FAM186A: variants seen among roughly 807,000 people sequenced by gnomAD.
FAM186A encodes family with sequence similarity 186 member A.
A neutral mutation model predicts 216.8 loss-of-function variants in FAM186A; 163 were observed. The ratio of observed to expected loss-of-function variants is 0.75; its 90% CI spans 0.66 to 0.86. The LOEUF is 0.86. Among genes scored for constraint, FAM186A ranks in the 40% least tolerant of loss-of-function variants. The probability of loss-of-function intolerance (pLI) is 0.00; values close to 1 mark genes in which losing one functional copy is unlikely to be tolerated. For missense variants in FAM186A, 2,184 were observed against 2,746.2 expected (o/e 0.80, Z 4.58); for synonymous variants, 805 against 1,025.3 (o/e 0.79, Z 4.10).
chr12:50,374,094 T>C (rs1311136971), intron 1 of FAM186A, among the ~76,000 whole-genome samples: 1 of 138,402 alleles, frequency 7.2e-6, no homozygotes, highest in African/African-American at 2.7e-5. Flanking sequence ...AGGTGGGAAC[T>C]GAACAATGAG....
rs150583039 is a variant in FAM186A, at chr12:50,351,674, C to A, written c.5158G>T (p.Ala1720Ser). The part of the protein sequence containing the change: ...WSHRPFQKSK[A>S]SLPTGQSIIS... ...ATGGATTGCCCAGTGGGGAGAGAAG[C>A]CTTCGATTTCTGAAATGGTCTATGG... The change falls in exon 4 of 8, where the codon GCT (alanine) becomes TCT (serine). Residue 1720 changes from alanine (A) to serine (S), a missense_variant. Coordinates refer to ENST00000327337, the MANE Select transcript of FAM186A (RefSeq NM_001145475.3). 9.0e-3 allele frequency: 13,956 copies of A among 1,551,540 alleles called. 121 individuals are homozygous for A. The highest frequency in any genetic ancestry group is 8.7e-3 in the Non-Finnish European group (10,006 of 1,146,914).
intron 1 of FAM186A, chr12:50,392,296 G>T: frequency 5.9e-6 from 1 of 170,006 alleles, no homozygotes; most frequent in Non-Finnish European, 1.2e-5. Context: ...TGTTTGTTTT[G>T]AGACGGAGTC....
intron 4 of FAM186A, among the ~76,000 whole-genome samples, chr12:50,337,457 C>CA (rs1296043362): frequency 1.0e-4 from 15 of 147,686 alleles, no homozygotes; most frequent in African/African-American, 3.7e-4. Context: ...TCAGGCCTGC[C>CA]AATTTTTTTT....
chr12:50,381,456 C>A (rs1698657971), intron 1 of FAM186A, among the ~76,000 whole-genome samples: 1 of 152,072 alleles, frequency 6.6e-6, no homozygotes, highest in South Asian at 2.1e-4. Flanking sequence ...GTCCAGCTGT[C>A]AGCAGAGAGG....
chr12:50,343,041 G>A (rs1942780579), intron 4 of FAM186A, among the ~76,000 whole-genome samples: 1 of 151,752 alleles, frequency 6.6e-6, no homozygotes, highest in Admixed American at 6.6e-5. Context: ...TTTGAGCCTA[G>A]GAATTCAAGA....
At position 50,327,341 on chromosome 12, in the gene FAM186A, T is replaced by C. The variant is rs763614826; in HGVS notation, c.*42A>G. ...ACAAAATAGGCATTTTACTGAAAGA[T>C]ACTGAAATGTACTTTCAACATGCTT... is the stretch of plus-strand genomic sequence containing the variant. On this transcript the variant is annotated 3_prime_UTR_variant, in exon 8 of 8. Coordinates refer to ENST00000327337, the MANE Select transcript of FAM186A (RefSeq NM_001145475.3). 1 of 1,491,118 alleles carries C rather than the reference T, an allele frequency of 6.7e-7. No homozygotes were observed. The highest frequency in any genetic ancestry group is 1.2e-5 in the South Asian group (1 of 82,242). The allele number at this position is 1,491,118 out of a possible 1,614,324, so 92.4% of individuals were successfully genotyped here. A position where few individuals can be genotyped will look rare whatever the true frequency, so the allele number is the denominator to read the frequency against.
rs1433467403 is a variant in FAM186A at position 50,350,323 on chromosome 12, A to G, written c.6503+6T>C. The G allele has an allele frequency of 1.5e-5, 22 of 1,507,588 alleles. No homozygotes were observed. The highest frequency in any genetic ancestry group is 2.4e-5 in the Admixed American group (1 of 41,486). The allele number at this position is 1,507,588 out of a possible 1,614,324, so 93.4% of individuals were successfully genotyped here. A position where few individuals can be genotyped will look rare whatever the true frequency, so the allele number is the denominator to read the frequency against. On this transcript the variant is annotated splice_donor_region_variant and intron_variant, in intron 4 of 7. Coordinates refer to ENST00000327337, the MANE Select transcript of FAM186A (RefSeq NM_001145475.3). ...CAGAAAACTAGACGTAAATAATTAT[A>G]TCTACCTGGCATGCTGGATCAGCCT...
chr12:50,344,395 G>A (rs897659950), intron 4 of FAM186A, among the ~76,000 whole-genome samples: 1 of 152,024 alleles, frequency 6.6e-6, no homozygotes, highest in East Asian at 1.9e-4. Flanking sequence ...CTGTTAATTT[G>A]TTTAGGATAA....
In FAM186A at chr12:50,330,567, ACTTAC is replaced by A. The variant is rs1309559006; in HGVS notation, c.7034+1_7034+5del. The A allele has an allele frequency of 1.0e-5, 16 of 1,549,926 alleles. No homozygotes were observed. The South Asian group carries it at 1.3e-4, about 13-fold the overall frequency. On this transcript the variant is annotated splice_donor_variant and splice_donor_5th_base_variant and intron_variant, in intron 7 of 7. Coordinates refer to ENST00000327337, the MANE Select transcript of FAM186A (RefSeq NM_001145475.3). LOFTEE classifies it high-confidence loss of function. ...ATTACCAGAGTGCTTCCAGTCCATA[ACTTAC>A]CGTGATTGGAGGGATGCAAGAGATT...
chr12:50,345,833 G>T (rs1327253236), intron 4 of FAM186A, among the ~76,000 whole-genome samples: 1 of 151,860 alleles, frequency 6.6e-6, no homozygotes, highest in Non-Finnish European at 1.5e-5. Flanking sequence ...GGCTATTTGG[G>T]CTCTTTTTTG....
Position 50,330,675 on chromosome 12 carries a change from T to C in FAM186A, c.6932A>G (p.His2311Arg). The C allele has an allele frequency of 6.5e-7, 1 of 1,550,244 alleles. No individual in the cohort carries two copies. Among genetic ancestry groups the C allele is most frequent in the African/African-American group, 1.4e-5 (1 of 73,058 alleles). ...SYPIAEKTSM[H>R]SLWAQLGGYP... ...CCCACCCAGCTGGGCCCAGAGTGAA[T>C]GCATAGATGTCTTCTCTGCTATTGG... The change falls in exon 7 of 8, where the codon CAT becomes CGT. Residue 2311 changes from histidine to arginine, a missense_variant. This residue lies in a region of FAM186A where 721 missense variants were observed against 816.4 expected (regional missense o/e 0.88). Coordinates refer to ENST00000327337, the MANE Select transcript of FAM186A (RefSeq NM_001145475.3).
intron 5 of FAM186A, 38 bp downstream of exon 5, chr12:50,333,873 T>C: frequency 6.6e-7 from 1 of 1,508,708 alleles, no homozygotes; most frequent in Non-Finnish European, 8.9e-7. Context: ...TTCATGTTTT[T>C]ACAACATGCT....
chr12:50,357,387 A>G (rs1942988304), intron 3 of FAM186A, among the ~76,000 whole-genome samples: 1 of 151,938 alleles, frequency 6.6e-6, no homozygotes, highest in African/African-American at 2.4e-5. Flanking sequence ...CTGTAGTCCC[A>G]ACTACTTGGG....
At chr12:50,369,342 T>C (rs1259582134) in intron 1 of FAM186A, among the ~76,000 whole-genome samples, 1 of 151,258 alleles carries the variant, frequency 6.6e-6, no homozygotes, top group African/African-American at 2.4e-5. Context: ...ACAAAAAAAA[T>C]TAGCCAGGCA....
intron 1 of FAM186A, among the ~76,000 whole-genome samples, chr12:50,386,263 C>T (rs6580748): frequency 0.97 from 147,422 of 152,030 alleles, 71,634 homozygotes; most frequent in East Asian, 1. Flanking sequence ...ACCCTGTCTC[C>T]ACTAAAAATA....
chr12:50,395,056 C>G lies in FAM186A; in HGVS notation c.192+1237G>C, dbSNP rs574677219. On this transcript the variant is annotated intron_variant, in intron 1 of 7. Coordinates refer to ENST00000327337, the MANE Select transcript of FAM186A (RefSeq NM_001145475.3). ...AGCTTTCCTTAAACATAGGAAAGAA[C>G]CCCCCCTTAATCAATTTCATCAAAC... 2.0e-5 allele frequency among the ~76,000 whole-genome samples: 3 copies of G among 151,512 alleles called. No homozygotes were observed. The East Asian group carries it at 5.9e-4, about 30-fold the overall frequency.
At chr12:50,342,550 C>T (rs1942774504) in intron 4 of FAM186A, among the ~76,000 whole-genome samples, 1 of 150,068 alleles carries the variant, frequency 6.7e-6, no homozygotes, top group Non-Finnish European at 1.5e-5. Flanking sequence ...TCTCGGCTCA[C>T]TGCAACCTCT....
intron 4 of FAM186A, among the ~76,000 whole-genome samples, chr12:50,344,509 A>G (rs1942793900): frequency 6.6e-6 from 1 of 152,224 alleles, no homozygotes; most frequent in Non-Finnish European, 1.5e-5. Context: ...TTCTTTATCC[A>G]GTCCACCACT....
At position 50,327,372 on chromosome 12, in the gene FAM186A, T is replaced by A. The variant is rs1273271317; in HGVS notation, c.*11A>T. 6.5e-7 allele frequency: 1 copy of A among 1,544,214 alleles called. No homozygotes were observed. The highest frequency in any genetic ancestry group is 1.4e-5 in the African/African-American group (1 of 72,888). Reference sequence around the variant, plus strand: ...AATGTACTTTCAACATGCTTGTATTTAATTTTACAGTCATTTGGGAATCTT... The same window carrying A: ...AATGTACTTTCAACATGCTTGTATTAAATTTTACAGTCATTTGGGAATCTT... On this transcript the variant is annotated 3_prime_UTR_variant, in exon 8 of 8. Transcript: ENST00000327337.
Sources: allele counts gnomAD v4.1 joint callset (sites outside exome capture counted in the v4.1 genomes callset), GRCh38; gene constraint gnomAD v4.1.1; regional missense constraint gnomAD v4.1.1; transcripts MANE v1.5; gene names NCBI Gene and HGNC (gene_info 2026-07-23, HGNC 2026-07-21).